The following CEP63 variants were observed in gnomAD, a reference collection of about 807,000 sequenced individuals.
The protein encoded by CEP63 is centrosomal protein 63, also known as centrosomal protein of 63 kDa.
Under a neutral mutation model 89.1 loss-of-function variants are expected in CEP63, and 84 were observed. The ratio of observed to expected loss-of-function variants is 0.94; its 90% confidence interval spans 0.79 to 1.13. The LOEUF is 1.13. Ranked by LOEUF, CEP63 falls within the 50% of genes most tolerant of loss-of-function variation. CEP63 has a pLI of 0.00. For missense variants in CEP63, 838 were observed against 813.3 expected (o/e 1.03, Z -0.37); for synonymous variants, 267 against 272.5 (o/e 0.98, Z 0.20).
At chr3:134,712,404 T>C in the CEP63 span, among the ~76,000 whole-genome samples, 1 of 152,176 alleles carries the variant, frequency 6.6e-6, no homozygotes, top group Admixed American at 6.5e-5. Flanking sequence ...TTTAAAACAA[T>C]TCTACCTCTT....
chr3:134,701,282 A>ACGTATATATGTGTATATG, the CEP63 span, among the ~76,000 whole-genome samples: 22 of 69,798 alleles, frequency 3.2e-4, 3 homozygotes, highest in Admixed American at 8.7e-4. Context: ...ACACACATAT[A>ACGTATATATGTGTATATG]TACGTATATA....
chr3:134,780,416 TC>T, the CEP63 span: 1 of 152,186 alleles, frequency 6.6e-6, no homozygotes, highest in Non-Finnish European at 1.5e-5. Context: ...CGATTCCTCT[TC>T]CCCCATCCCC....
At chr3:134,610,042 C>T in the CEP63 span, among the ~76,000 whole-genome samples, 1 of 152,154 alleles carries the variant, frequency 6.6e-6, no homozygotes, top group Admixed American at 6.5e-5. Context: ...GGCCTGGAGC[C>T]AGCCCACTTC....
At chr3:134,655,830 G>T in the CEP63 span, among the ~76,000 whole-genome samples, 1 of 152,210 alleles carries the variant, frequency 6.6e-6, no homozygotes, top group African/African-American at 2.4e-5. Flanking sequence ...CTCAAGCCCT[G>T]AGCTGGGCCT....
chr3:134,709,598 C>A, the CEP63 span, among the ~76,000 whole-genome samples: 1 of 152,176 alleles, frequency 6.6e-6, no homozygotes, highest in Non-Finnish European at 1.5e-5. Flanking sequence ...ATAAACTTCA[C>A]CTACCATAGG....
chr3:134,547,610 A>ATTTATTTTTTTTTTTTTTTTTT, intron 9 of CEP63, 138 bp downstream of exon 9: 5 of 226,806 alleles, frequency 2.2e-5, no homozygotes, highest in East Asian at 1.1e-4. Flanking sequence ...CTAAGTTCTT[A>ATTTATTTTTTTTTTTTTTTTTT]TTTCTTTTTT....
At chr3:134,554,060 T>C (rs1955538259) in intron 12 of CEP63, among the ~76,000 whole-genome samples, 1 of 152,196 alleles carries the variant, frequency 6.6e-6, no homozygotes, top group Non-Finnish European at 1.5e-5. Flanking sequence ...AGGATTTATT[T>C]TTGTTCTATT....
the CEP63 span, among the ~76,000 whole-genome samples, chr3:134,721,452 C>T: frequency 6.6e-6 from 1 of 151,944 alleles, no homozygotes; most frequent in Non-Finnish European, 1.5e-5. Context: ...ATCTTGATGC[C>T]TTTTTTTCTT....
At chr3:134,740,925 C>A in the CEP63 span, among the ~76,000 whole-genome samples, 1 of 152,086 alleles carries the variant, frequency 6.6e-6, no homozygotes, top group Admixed American at 6.6e-5. Flanking sequence ...CATTTTGCTC[C>A]TTTCATCTTG....
intron 12 of CEP63, among the ~76,000 whole-genome samples, chr3:134,557,392 T>G (rs986863732): frequency 4.7e-5 from 7 of 147,662 alleles, no homozygotes; most frequent in Non-Finnish European, 1.0e-4. Flanking sequence ...TTTTTTTTTT[T>G]TTTTTTTTTT....
the CEP63 span, among the ~76,000 whole-genome samples, chr3:134,768,634 C>T: frequency 6.6e-6 from 1 of 152,194 alleles, no homozygotes; most frequent in Non-Finnish European, 1.5e-5. Flanking sequence ...AAAGGAGTGT[C>T]TTCTCCAAGT....
intron 3 of CEP63, among the ~76,000 whole-genome samples, chr3:134,520,822 A>G (rs1389800800): frequency 6.6e-6 from 1 of 152,164 alleles, no homozygotes; most frequent in African/African-American, 2.4e-5. Context: ...GAGTAACAAT[A>G]TGGGGGAAAA....
chr3:134,741,359 C>T, the CEP63 span, among the ~76,000 whole-genome samples: 1 of 152,198 alleles, frequency 6.6e-6, no homozygotes, highest in Non-Finnish European at 1.5e-5. Context: ...GAGGCCCCCT[C>T]ATTCCCTCCT....
the CEP63 span, among the ~76,000 whole-genome samples, chr3:134,647,740 G>T: frequency 6.6e-5 from 10 of 152,298 alleles, no homozygotes; most frequent in Admixed American, 5.9e-4. Flanking sequence ...CATTTAGGGA[G>T]AATTTTTGTA....
chr3:134,517,361 C>T (rs1057398060), intron 3 of CEP63, among the ~76,000 whole-genome samples: 1 of 152,138 alleles, frequency 6.6e-6, no homozygotes, highest in African/African-American at 2.4e-5. Flanking sequence ...TAGGAAAAAA[C>T]AGATGAAGCC....
At position 134,562,065 on chromosome 3, in the gene CEP63, G is replaced by C. The variant is rs998062695; in HGVS notation, c.*530G>C. The stretch of plus-strand genomic sequence containing the variant: ...TAAAGTCAGGCTGGTAGTGAATAAG[G>C]GGGGGGTGTGCTAAAGAACCTTATC... On this transcript the variant is annotated 3_prime_UTR_variant, in exon 15 of 15. Coordinates refer to ENST00000675561, the MANE Select transcript of CEP63 (RefSeq NM_001353108.3). The C allele has an allele frequency of 2.0e-5, 20 of 994,886 alleles. No individual in the cohort carries two copies. Among genetic ancestry groups the C allele is most frequent in the South Asian group, 1.8e-4 (4 of 22,562 alleles). The allele number at this position is 994,886 out of a possible 1,614,324, so 61.6% of individuals were successfully genotyped here. A position where few individuals can be genotyped will look rare whatever the true frequency, so the allele number is the denominator to read the frequency against.
the CEP63 span, among the ~76,000 whole-genome samples, chr3:134,661,662 T>C: frequency 6.6e-6 from 1 of 151,178 alleles, no homozygotes; most frequent in Non-Finnish European, 1.5e-5. Context: ...TCTGGGAAGA[T>C]ATTATGAAAA....
the CEP63 span, among the ~76,000 whole-genome samples, chr3:134,720,791 A>G: frequency 6.6e-6 from 1 of 152,126 alleles, no homozygotes; most frequent in Non-Finnish European, 1.5e-5. Flanking sequence ...GACCATAAAT[A>G]TAAGAGTTTA....
At chr3:134,629,506 G>A in the CEP63 span, 2 of 743,024 alleles carry the variant, frequency 2.7e-6, no homozygotes, top group Non-Finnish European at 4.7e-6. Context: ...CAGTTTGCAG[G>A]CCCATGTCAC....
Sources: allele counts gnomAD v4.1 joint callset (sites outside exome capture counted in the v4.1 genomes callset), GRCh38; gene constraint gnomAD v4.1.1; transcripts MANE v1.5; gene names NCBI Gene and HGNC (gene_info 2026-07-23, HGNC 2026-07-21).